DYSF: variants seen among roughly 807,000 people sequenced by gnomAD.
DYSF encodes the protein dysferlin.
A neutral mutation model predicts 274.9 loss-of-function variants in DYSF; 212 were observed. The observed-to-expected ratio is 0.77, with a 90% confidence interval of 0.69 to 0.86. The LOEUF (loss-of-function observed/expected upper bound fraction) is 0.86. Among genes scored for constraint, DYSF ranks in the 40% least tolerant of loss-of-function variants. The pLI is 0.00. For synonymous variants in DYSF, 1,091 were observed against 1,078.7 expected (o/e 1.01, Z -0.22); for missense variants, 2,666 against 2,783.2 (o/e 0.96, Z 0.95).
In DYSF at chr2:71,669,729, T is replaced by G; in HGVS notation, c.5767T>G (p.Cys1923Gly). ...CGACTACCTGCCAGCTGAGCAAGTC[T>G]GTACCATTGCCAAGAAGGTCAGTGT... ...PFDYLPAEQVCTIAKKDAFWR... is the reference protein window; with the variant it reads ...PFDYLPAEQVGTIAKKDAFWR... The change falls in exon 51 of 56, where the codon TGT becomes GGT. Residue 1923 changes from cysteine (C) to glycine (G), a missense_variant. By Grantham distance (159) the Cys-to-Gly change is radical (BLOSUM62 -3). Around this residue, in one of 3 missense-constraint regions of DYSF, gnomAD observed 1,460 missense variants for 1,502.1 expected, o/e 0.97. Coordinates refer to ENST00000410020, the MANE Select transcript of DYSF (RefSeq NM_001130987.2). The G allele has an allele frequency of 6.2e-7, 1 of 1,614,230 alleles. No individual in the cohort carries two copies. The highest frequency in any genetic ancestry group is 2.2e-5 in the East Asian group (1 of 44,882).
intron 17 of DYSF, among the ~76,000 whole-genome samples, chr2:71,547,496 G>A (rs1201238127): frequency 1.3e-5 from 2 of 152,148 alleles, no homozygotes; most frequent in Non-Finnish European, 2.9e-5. Context: ...AAAAATACAA[G>A]AAATAGGTGG....
intron 17 of DYSF, among the ~76,000 whole-genome samples, chr2:71,542,867 G>A (rs113218086): frequency 9.2e-5 from 14 of 152,332 alleles, no homozygotes; most frequent in African/African-American, 3.1e-4. Context: ...ATCATGGCCC[G>A]TTCCCAATGA....
Position 71,513,225 on chromosome 2 carries a change from C to A in DYSF, c.461-15C>A. On this transcript the variant is annotated splice_polypyrimidine_tract_variant and intron_variant, in intron 5 of 55. Coordinates refer to ENST00000410020, the MANE Select transcript of DYSF (RefSeq NM_001130987.2). ...CTCCCTCCCCTCCCGGGGTTATGCCCTGCCCACAAGACAGGCGGGGGACAG... is the reference window on the plus strand; with the variant it reads ...CTCCCTCCCCTCCCGGGGTTATGCCATGCCCACAAGACAGGCGGGGGACAG... 1 of 1,551,578 alleles carries A rather than the reference C, an allele frequency of 6.4e-7. No individual in the cohort carries two copies. Among genetic ancestry groups the A allele is most frequent in the South Asian group, 1.2e-5 (1 of 84,058 alleles).
chr2:71,664,268 G>T lies in DYSF; in HGVS notation c.5004G>T (p.Lys1668Asn). 6.2e-7 allele frequency: 1 copy of T among 1,614,074 alleles called. No individual in the cohort carries two copies. The highest frequency in any genetic ancestry group is 1.1e-5 in the South Asian group (1 of 91,078). Residue 1668 changes from lysine (K) to asparagine (N), a missense_variant and splice_region_variant, in exon 46 of 56, where the codon AAG (lysine) becomes AAT (asparagine). Lys to Asn is a moderately conservative substitution (Grantham distance 94, BLOSUM62 0). Coordinates refer to ENST00000410020, the MANE Select transcript of DYSF (RefSeq NM_001130987.2). ...IPCTLEPVFGKMFELTCTLPL... is the reference protein window; with the variant it reads ...IPCTLEPVFGNMFELTCTLPL... ...CATCGGGAATCTGCCCCTCCTGCAG[G>T]ATGTTCGAGCTGACCTGCACTCTGC... is the stretch of plus-strand genomic sequence containing the variant.
At chr2:71,584,229 G>A (rs1339559173) in intron 30 of DYSF, among the ~76,000 whole-genome samples, 4 of 152,066 alleles carry the variant, frequency 2.6e-5, no homozygotes, top group East Asian at 3.9e-4. Context: ...CAGGGCATCA[G>A]CCTCTCCTGC....
intron 4 of DYSF, 36 bp from the exon 5 acceptor site, chr2:71,511,771 C>G: frequency 7.7e-7 from 1 of 1,297,942 alleles, no homozygotes; most frequent in Non-Finnish European, 1.1e-6. Flanking sequence ...CCGAGGCCAG[C>G]GCACCAACCT....
intron 55 of DYSF, among the ~76,000 whole-genome samples, chr2:71,685,777 G>C (rs1047017458): frequency 3.9e-5 from 6 of 152,214 alleles, no homozygotes; most frequent in African/African-American, 1.4e-4. Flanking sequence ...GCTTTCCCCA[G>C]CCGGCGCTGG....
intron 3 of DYSF, among the ~76,000 whole-genome samples, chr2:71,489,704 G>T (rs1212674987): frequency 2.0e-5 from 3 of 152,230 alleles, no homozygotes; most frequent in Non-Finnish European, 4.4e-5. Flanking sequence ...CACACCTGGA[G>T]TATGCTGGTG....
intron 3 of DYSF, among the ~76,000 whole-genome samples, chr2:71,499,707 TGCCTTCTCTTTCTTTGGGTTGGCA>T (rs1451622925): frequency 6.6e-6 from 1 of 152,238 alleles, no homozygotes; most frequent in Admixed American, 6.5e-5. Flanking sequence ...TGCCAGTTCC[TGCCTTCTCTTTCTTTGGGTTGGCA>T]GCGGCTCTTT....
intron 12 of DYSF, among the ~76,000 whole-genome samples, chr2:71,524,755 G>A (rs774306635): frequency 9.9e-5 from 15 of 152,226 alleles, no homozygotes; most frequent in Admixed American, 9.8e-4. Context: ...TTGCCTCCTC[G>A]TCTGGATGCC....
Position 71,663,208 on chromosome 2 carries a change from T to C in DYSF, c.5004-1060T>C, listed in dbSNP as rs543130848. 8.7e-4 allele frequency among the ~76,000 whole-genome samples: 132 copies of C among 152,280 alleles called. 1 individual carries two copies. Among genetic ancestry groups the C allele is most frequent in the African/African-American group, 2.9e-3 (122 of 41,562 alleles). On this transcript the variant is annotated intron_variant, in intron 45 of 55. Transcript: ENST00000410020. The stretch of plus-strand genomic sequence containing the variant: ...CCCACCACCGCTGTCATCCGGGTAC[T>C]CTCTGGACCACGGATGTTGAAAGCC...
In DYSF at chr2:71,600,425, C is replaced by T. The variant is rs13028056; in HGVS notation, c.3757-277C>T. On this transcript the variant is annotated intron_variant, in intron 33 of 55. Coordinates refer to ENST00000410020, the MANE Select transcript of DYSF (RefSeq NM_001130987.2). ...AGTCTTAGCGCTGATTAAATTGTAG[C>T]AGGGCAAACACTAGTTGGACAGTGT... Among the ~76,000 whole-genome samples, 32,920 of 152,186 alleles carry T rather than the reference C, an allele frequency of 0.22. 4,339 individuals are homozygous for T. Among genetic ancestry groups the T allele is most frequent in the Non-Finnish European group, 0.29 (19,802 of 67,964 alleles).
At chr2:71,498,749 C>G (rs540679027) in intron 3 of DYSF, among the ~76,000 whole-genome samples, 1 of 152,300 alleles carries the variant, frequency 6.6e-6, no homozygotes, top group South Asian at 2.1e-4. Context: ...CTGGCCTATG[C>G]CCAGGAATGA....
intron 35 of DYSF, 112 bp downstream of exon 35, chr2:71,601,640 C>A: frequency 7.0e-7 from 1 of 1,432,120 alleles, no homozygotes; most frequent in Non-Finnish European, 9.8e-7. Flanking sequence ...CTGCCTCAAG[C>A]CCCCGGGGAA....
chr2:71,660,019 G>T (rs564640561), intron 44 of DYSF, among the ~76,000 whole-genome samples: 220 of 152,332 alleles, frequency 1.4e-3, no homozygotes, highest in African/African-American at 5.2e-3. Flanking sequence ...GGCCTCCAAG[G>T]TGTGGTCATG....
chr2:71,519,667 G>A (rs1273061456), intron 10 of DYSF, among the ~76,000 whole-genome samples: 1 of 151,156 alleles, frequency 6.6e-6, no homozygotes, highest in African/African-American at 2.4e-5. Context: ...TTTTTGAGAC[G>A]GATTTTTGCT....
At position 71,615,406 on chromosome 2, in the gene DYSF, G is replaced by T. The variant is rs1863810; in HGVS notation, c.4464+1996G>T. On this transcript the variant is annotated intron_variant, in intron 40 of 55. Transcript: ENST00000410020. The surrounding 1 kb of genome is among the most constrained non-coding windows in gnomAD (Gnocchi z 4.9). ...GGAAATGACACTGATTTGCTCTGAT[G>T]GGGGAGGCTTGGACCTTGCCCTCAT... 0.26 allele frequency among the ~76,000 whole-genome samples: 39,425 copies of T among 152,008 alleles called. 6,181 individuals are homozygous for T. The highest frequency in any genetic ancestry group is 0.38 in the South Asian group (1,844 of 4,806).
At chr2:71,668,190 GCT>G (rs1434069552) in intron 48 of DYSF, among the ~76,000 whole-genome samples, 1 of 152,176 alleles carries the variant, frequency 6.6e-6, no homozygotes, top group Non-Finnish European at 1.5e-5. Flanking sequence ...TTGGAACTGA[GCT>G]CTCTCTCCAC....
chr2:71,484,693 T>G (rs2083225806), intron 3 of DYSF, among the ~76,000 whole-genome samples: 1 of 152,246 alleles, frequency 6.6e-6, no homozygotes, highest in African/African-American at 2.4e-5. Flanking sequence ...GCCTCTGGAT[T>G]CTACTCTATC....
Sources: gnomAD v4.1 joint callset for allele counts (sites outside exome capture counted in the v4.1 genomes callset) on GRCh38, gnomAD v4.1.1 for gene constraint, gnomAD v4.1.1 regional missense constraint, Gnocchi (gnomAD v3.1) non-coding constraint, MANE v1.5 for transcripts, NCBI Gene and HGNC (gene_info 2026-07-23, HGNC 2026-07-21) for gene names.